The following RARG variants were observed in gnomAD, a reference collection of about 807,000 sequenced individuals.
RARG encodes the protein RAR-gamma.
RARG carries 17 observed loss-of-function variants against 43.7 expected under a neutral mutation model. The ratio of observed to expected loss-of-function variants is 0.39; its 90% CI spans 0.27 to 0.58. The LOEUF is 0.58. Ranked by LOEUF, RARG falls within the 20% of genes least tolerant of loss-of-function variation. The pLI is 0.57. For missense variants in RARG, 346 were observed against 598.7 expected (o/e 0.58, Z 4.40); for synonymous variants, 238 against 236.4 (o/e 1.01, Z -0.06).
At position 53,211,663 on chromosome 12, in the gene RARG, T is replaced by A. The variant is rs372693497; in HGVS notation, c.*13A>T. ...AGCCCCAACCCCCACAGCGGGGAGG[T>A]CAGGGGCCCTGGTCAGGCTGGGGAC... is the stretch of plus-strand genomic sequence containing the variant. On this transcript the variant is annotated 3_prime_UTR_variant, in exon 10 of 10. Transcript: ENST00000425354. This position sits in a 1 kb window ranked among gnomAD's most constrained non-coding sequence, Gnocchi z 4.6. The A allele has an allele frequency of 1.8e-5, 26 of 1,459,898 alleles. No individual in the cohort carries two copies. The highest frequency in any genetic ancestry group is 2.3e-5 in the Non-Finnish European group (25 of 1,106,956). The allele number at this position is 1,459,898 out of a possible 1,614,324, so 90.4% of individuals were successfully genotyped here. A position where few individuals can be genotyped will look rare whatever the true frequency, so the allele number is the denominator to read the frequency against.
At chr12:53,218,301 C>T (rs1333820620) in intron 3 of RARG, among the ~76,000 whole-genome samples, 1 of 152,136 alleles carries the variant, frequency 6.6e-6, no homozygotes, top group African/African-American at 2.4e-5. Flanking sequence ...ACCAGGATCC[C>T]AGAGGCCAAA....
intron 3 of RARG, among the ~76,000 whole-genome samples, chr12:53,217,612 C>G (rs1217973243): frequency 6.6e-6 from 1 of 152,196 alleles, no homozygotes; most frequent in Non-Finnish European, 1.5e-5. Flanking sequence ...AGCCTAGTGG[C>G]TCCGAGGTCA....
chr12:53,222,496 C>A (rs564671274), intron 3 of RARG, among the ~76,000 whole-genome samples: 1 of 152,236 alleles, frequency 6.6e-6, no homozygotes, highest in South Asian at 2.1e-4. Context: ...TCAGGCCTGC[C>A]TGGTTGGTAA....
chr12:53,218,062 G>T (rs11170483), intron 3 of RARG, among the ~76,000 whole-genome samples: 1 of 152,066 alleles, frequency 6.6e-6, no homozygotes, highest in African/African-American at 2.4e-5. Flanking sequence ...CAGCTACACC[G>T]TGGAGGTAGA....
At chr12:53,230,109 T>C in intron 2 of RARG, 1 of 429,828 alleles carries the variant, frequency 2.3e-6, no homozygotes, top group African/African-American at 2.2e-5. Context: ...ACTAAGGAAT[T>C]GAAGGCAGTG....
intron 3 of RARG, among the ~76,000 whole-genome samples, chr12:53,216,861 C>CGT (rs1377726532): frequency 3.1e-4 from 38 of 123,004 alleles, no homozygotes; most frequent in African/African-American, 1.2e-3. Context: ...CGCGCGCGCG[C>CGT]GTGTGGTTGG....
rs563815835 is a variant in RARG at position 53,213,956 on chromosome 12, T to G, written c.813+103A>C. ...AGAGAGCTGAGGAGTCCCACATGTGTGGCAGGGGGTGCAGGGTAAGGAAAT... is the reference window on the plus strand; with the variant it reads ...AGAGAGCTGAGGAGTCCCACATGTGGGGCAGGGGGTGCAGGGTAAGGAAAT... On this transcript the variant is annotated intron_variant, in intron 7 of 9. Transcript: ENST00000425354. The surrounding 1 kb of genome is among the most constrained non-coding windows in gnomAD (Gnocchi z 4.7). The G allele has an allele frequency of 7.4e-7, 1 of 1,344,600 alleles. No homozygotes were observed. Among genetic ancestry groups the G allele is most frequent in the South Asian group, 1.3e-5 (1 of 75,448 alleles). The allele number at this position is 1,344,600 out of a possible 1,614,324, so 83.3% of individuals were successfully genotyped here. A position where few individuals can be genotyped will look rare whatever the true frequency, so the allele number is the denominator to read the frequency against.
chr12:53,230,790 TG>T (rs372465471), intron 2 of RARG, among the ~76,000 whole-genome samples: 16 of 67,642 alleles, frequency 2.4e-4, no homozygotes, highest in South Asian at 2.0e-3. Flanking sequence ...TGCCGGGGTG[TG>T]GGGGGGCGTG....
chr12:53,220,046 C>T, intron 3 of RARG: 1 of 1,546,106 alleles, frequency 6.5e-7, no homozygotes, highest in Non-Finnish European at 8.7e-7. Flanking sequence ...CCGGGCCCGG[C>T]CGCCCCGTAC....
intron 3 of RARG, among the ~76,000 whole-genome samples, chr12:53,219,233 G>C (rs549753099): frequency 1.3e-5 from 2 of 152,218 alleles, no homozygotes; most frequent in East Asian, 3.8e-4. Flanking sequence ...ATAGGAAAAA[G>C]TAATCTCTGC....
rs954037552 is a variant in RARG, at chr12:53,221,449, G to T, written c.185-5655C>A. Among the ~76,000 whole-genome samples, 7 of 152,240 alleles carry T rather than the reference G, an allele frequency of 4.6e-5. No individual in the cohort carries two copies. In the East Asian group the frequency reaches 1.4e-3, roughly 29 times the overall value. ...GTTTCTCACTGCCAAGGGCTCCCTCGGCAATAGGGGCGCTTCTGGTCACTG... is the reference window on the plus strand; with the variant it reads ...GTTTCTCACTGCCAAGGGCTCCCTCTGCAATAGGGGCGCTTCTGGTCACTG... On this transcript the variant is annotated intron_variant, in intron 3 of 9. Coordinates refer to ENST00000425354, the MANE Select transcript of RARG (RefSeq NM_000966.6).
chr12:53,212,376 A>G (rs1171724689), intron 9 of RARG, among the ~76,000 whole-genome samples: 1 of 152,208 alleles, frequency 6.6e-6, no homozygotes, highest in Non-Finnish European at 1.5e-5. Context: ...GGAATTTTTA[A>G]TTCAGCACAA....
intron 3 of RARG, among the ~76,000 whole-genome samples, chr12:53,225,192 T>C (rs1036820786): frequency 6.6e-6 from 1 of 152,138 alleles, no homozygotes; most frequent in Non-Finnish European, 1.5e-5. Flanking sequence ...CCAGCTGTAG[T>C]TTCCAAAAAG....
At chr12:53,228,816 C>T (rs372960168) in intron 2 of RARG, among the ~76,000 whole-genome samples, 1 of 152,122 alleles carries the variant, frequency 6.6e-6, no homozygotes, top group South Asian at 2.1e-4. Context: ...TCAGATGATC[C>T]GCCCACCTTG....
In RARG at chr12:53,215,893, C is replaced by A; in HGVS notation, c.185-99G>T. On this transcript the variant is annotated intron_variant, in intron 3 of 9. Coordinates refer to ENST00000425354, the MANE Select transcript of RARG (RefSeq NM_000966.6). This position sits in a 1 kb window ranked among gnomAD's most constrained non-coding sequence, Gnocchi z 6.4. Reference sequence around the variant, plus strand: ...ACCCCATGTGCATTTGTTCCTTGGCCCACTGGTGACAGCCATCACTACCAC... The same window carrying A: ...ACCCCATGTGCATTTGTTCCTTGGCACACTGGTGACAGCCATCACTACCAC... The A allele has an allele frequency of 7.6e-7, 1 of 1,308,914 alleles. No homozygotes were observed. Among genetic ancestry groups the A allele is most frequent in the African/African-American group, 1.5e-5 (1 of 67,404 alleles). 81.1% of individuals were successfully genotyped at this position (1,308,914 alleles called of 1,614,324 possible).
chr12:53,228,452 T>C (rs1275456139), intron 2 of RARG, among the ~76,000 whole-genome samples: 3 of 152,222 alleles, frequency 2.0e-5, no homozygotes, highest in Non-Finnish European at 4.4e-5. Context: ...TAGTTCTCTT[T>C]GTACCTTATT....
chr12:53,220,400 G>A, intron 3 of RARG: 1 of 153,782 alleles, frequency 6.5e-6, no homozygotes, highest in Non-Finnish European at 1.3e-5. Flanking sequence ...TGGAGGGGTG[G>A]GGGGTGGGGC....
At position 53,211,469 on chromosome 12, in the gene RARG, G is replaced by A. The variant is rs760219755; in HGVS notation, c.*207C>T. ...CTCTCTCCTGGTGGGAGCAGGGCAG[G>A]CCCCCGGGACTGGCGAGGGAGCCGG... On this transcript the variant is annotated 3_prime_UTR_variant, in exon 10 of 10. Coordinates refer to ENST00000425354, the MANE Select transcript of RARG (RefSeq NM_000966.6). This position sits in a 1 kb window ranked among gnomAD's most constrained non-coding sequence, Gnocchi z 4.6. 3.2e-4 allele frequency: 146 copies of A among 452,144 alleles called. No individual in the cohort carries two copies. Among genetic ancestry groups the A allele is most frequent in the Admixed American group, 7.0e-4 (16 of 22,866 alleles). 28.0% of individuals were successfully genotyped at this position (452,144 alleles called of 1,614,324 possible). A position where few individuals can be genotyped will look rare whatever the true frequency, so the allele number is the denominator to read the frequency against.
rs372193528 is a variant in RARG, at chr12:53,213,876, G to A, written c.814-176C>T. On this transcript the variant is annotated intron_variant, in intron 7 of 9. Coordinates refer to ENST00000425354, the MANE Select transcript of RARG (RefSeq NM_000966.6). This position sits in a 1 kb window ranked among gnomAD's most constrained non-coding sequence, Gnocchi z 4.7. Reference sequence around the variant, plus strand: ...GGGTAGTCCCGGGAAGTCAGGAGGAGACAGGGCATCCAAAAGTCTAGGATC... The same window carrying A: ...GGGTAGTCCCGGGAAGTCAGGAGGAAACAGGGCATCCAAAAGTCTAGGATC... The A allele has an allele frequency of 3.4e-4, 359 of 1,063,934 alleles. 5 individuals carry two copies. In the African/African-American group the frequency reaches 5.0e-3, roughly 15 times the overall value. The allele number at this position is 1,063,934 out of a possible 1,614,324, so 65.9% of individuals were successfully genotyped here.
Sources: allele counts gnomAD v4.1 joint callset (sites outside exome capture counted in the v4.1 genomes callset), GRCh38; gene constraint gnomAD v4.1.1; non-coding constraint Gnocchi (gnomAD v3.1); transcripts MANE v1.5; gene names NCBI Gene and HGNC (gene_info 2026-07-23, HGNC 2026-07-21).